The following TEK variants were observed in gnomAD, a reference collection of about 807,000 sequenced individuals.
TEK encodes the protein TEK receptor tyrosine kinase.
TEK carries 43 observed loss-of-function variants against 131.8 expected under a neutral mutation model. The observed-to-expected ratio is 0.33, with a 90% CI of 0.26 to 0.42. The LOEUF (loss-of-function observed/expected upper bound fraction) is 0.42, where lower values mean the gene tolerates loss of function less well. TEK is among the 10% of genes least tolerant of loss of function. The pLI is 1.00. For missense variants in TEK, 1,162 were observed against 1,384.4 expected, an observed-to-expected ratio of 0.84 and a Z score of 2.55; for synonymous variants, 580 against 491.6, an observed-to-expected ratio of 1.18 and a Z score of -2.38.
rs758187604 is a variant in TEK, at chr9:27,158,049, G to C, written c.271G>C (p.Glu91Gln). The change falls in exon 2 of 23, where the codon GAA becomes CAA. Residue 91 changes from glutamate (E) to glutamine (Q), a missense_variant. Transcript: ENST00000380036. ...GGCTAAAAAAGTTGTTTGGAAGAGA[G>C]AAAAGGCTAGTAAGATCAATGGTGC... Reference protein sequence around the residue: ...EWAKKVVWKREKASKINGAYF... With the variant: ...EWAKKVVWKRQKASKINGAYF... 5 of 1,614,020 alleles carry C rather than the reference G, an allele frequency of 3.1e-6. No individual in the cohort carries two copies. In the African/African-American group the frequency reaches 6.7e-5, roughly 22 times the overall value.
chr9:27,203,030 C>A lies in TEK; in HGVS notation c.2120C>A (p.Ala707Glu). The change falls in exon 13 of 23, where the codon GCA (alanine) becomes GAA (glutamate). Residue 707 changes from alanine (A) to glutamate (E), a missense_variant. Ala to Glu is a moderately radical substitution (Grantham distance 107). Coordinates refer to ENST00000380036, the MANE Select transcript of TEK (RefSeq NM_000459.5). Reference sequence around the variant, plus strand: ...CTCAAGGGCCTAGAGCCTGAAACAGCATACCAGGTGGACATTTTTGCAGAG... The same window carrying A: ...CTCAAGGGCCTAGAGCCTGAAACAGAATACCAGGTGGACATTTTTGCAGAG... Reference protein sequence around the residue: ...YQLKGLEPETAYQVDIFAENN... With the variant: ...YQLKGLEPETEYQVDIFAENN... 6.2e-7 allele frequency: 1 copy of A among 1,614,128 alleles called. No homozygotes were observed. Among genetic ancestry groups the A allele is most frequent in the Non-Finnish European group, 8.5e-7 (1 of 1,180,000 alleles).
intron 8 of TEK, 61 bp from the exon 9 acceptor site, chr9:27,185,424 A>G: frequency 1.9e-6 from 3 of 1,603,020 alleles, no homozygotes; most frequent in Non-Finnish European, 2.6e-6. Flanking sequence ...GGTCAATGTT[A>G]TGGACCTTTG....
chr9:27,164,020 C>A (rs557556252), intron 2 of TEK, among the ~76,000 whole-genome samples: 6 of 152,170 alleles, frequency 3.9e-5, no homozygotes, highest in African/African-American at 7.2e-5. Context: ...CCAACCTAGG[C>A]CTCAGCAGTA....
At chr9:27,190,441 A>T (rs975318678) in intron 9 of TEK, 88 bp from the exon 10 acceptor site, 124 of 1,519,180 alleles carry the variant, frequency 8.2e-5, no homozygotes, top group Non-Finnish European at 1.0e-4. Context: ...TTTGTTGGAC[A>T]TGTAAAACAT....
At chr9:27,120,116 G>A (rs563330890) in intron 1 of TEK, among the ~76,000 whole-genome samples, 2 of 152,290 alleles carry the variant, frequency 1.3e-5, no homozygotes, top group East Asian at 1.9e-4. Flanking sequence ...CGAAGAAGAC[G>A]GTGGTGGCAG....
chr9:27,173,415 G>A, intron 6 of TEK, 53 bp downstream of exon 6: 2 of 1,611,670 alleles, frequency 1.2e-6, no homozygotes, highest in Admixed American at 1.7e-5. Flanking sequence ...GTATATAAAG[G>A]AGATCCAGTT....
intron 10 of TEK, among the ~76,000 whole-genome samples, chr9:27,191,323 C>T (rs371138909): frequency 5.3e-5 from 8 of 151,920 alleles, no homozygotes; most frequent in African/African-American, 1.5e-4. Flanking sequence ...TGACAAAATG[C>T]CAAAAGTTCA....
chr9:27,155,230 T>C (rs1308602448), intron 1 of TEK, among the ~76,000 whole-genome samples: 1 of 152,182 alleles, frequency 6.6e-6, no homozygotes, highest in African/African-American at 2.4e-5. Flanking sequence ...TGTGTGCTGG[T>C]GTTATTTTTG....
chr9:27,223,474 C>A (rs574307149), intron 21 of TEK, among the ~76,000 whole-genome samples: 1 of 152,286 alleles, frequency 6.6e-6, no homozygotes, highest in African/African-American at 2.4e-5. Context: ...CACTGAAAAC[C>A]ACACAACTAC....
intron 1 of TEK, among the ~76,000 whole-genome samples, chr9:27,147,105 A>G (rs1327150082): frequency 1.3e-5 from 2 of 152,130 alleles, no homozygotes; most frequent in Non-Finnish European, 2.9e-5. Flanking sequence ...GTGATACGTA[A>G]GTGTATGTTT....
chr9:27,114,618 G>GT (rs1395945884), intron 1 of TEK, among the ~76,000 whole-genome samples: 2 of 152,028 alleles, frequency 1.3e-5, no homozygotes, highest in African/African-American at 4.8e-5. Flanking sequence ...AAAAGTAGTG[G>GT]TAAAAACTGC....
Position 27,180,374 on chromosome 9 carries a change from G to A in TEK, c.1030+6G>A, listed in dbSNP as rs775264500. The A allele has an allele frequency of 5.6e-6, 9 of 1,612,152 alleles. No individual in the cohort carries two copies. Among genetic ancestry groups the A allele is most frequent in the Non-Finnish European group, 6.8e-6 (8 of 1,179,036 alleles). Reference sequence around the variant, plus strand: ...GCTCCAGTGTGAGAGAGAAGGTAAAGCAAGGTAACACTGTAGTCAGGGCCA... The same window carrying A: ...GCTCCAGTGTGAGAGAGAAGGTAAAACAAGGTAACACTGTAGTCAGGGCCA... On this transcript the variant is annotated splice_donor_region_variant and intron_variant, in intron 7 of 22. Coordinates refer to ENST00000380036, the MANE Select transcript of TEK (RefSeq NM_000459.5).
chr9:27,217,873 C>G (rs1165386848), intron 19 of TEK, 115 bp downstream of exon 19: 3 of 902,592 alleles, frequency 3.3e-6, no homozygotes, highest in Non-Finnish European at 5.4e-6. Flanking sequence ...ACAAAGGTAA[C>G]TAAAAAGCTC....
At chr9:27,215,694 T>C (rs1825800318) in intron 18 of TEK, among the ~76,000 whole-genome samples, 1 of 152,142 alleles carries the variant, frequency 6.6e-6, no homozygotes, top group Non-Finnish European at 1.5e-5. Flanking sequence ...GATTTGTTAG[T>C]ACAATGTTTC....
chr9:27,193,562 C>A lies in TEK; in HGVS notation c.1624+939C>A, dbSNP rs560930824. Among the ~76,000 whole-genome samples, 246 of 152,276 alleles carry A rather than the reference C, an allele frequency of 1.6e-3. 1 individual carries two copies. The highest frequency in any genetic ancestry group is 5.6e-3 in the African/African-American group (232 of 41,554). ...CAGCTTTCTGTTACCCAGGTACCCT[C>A]CATTGAAATACTGGAGTGATCTTTT... On this transcript the variant is annotated intron_variant, in intron 11 of 22. Coordinates refer to ENST00000380036, the MANE Select transcript of TEK (RefSeq NM_000459.5).
chr9:27,134,429 G>A (rs939683904), intron 1 of TEK, among the ~76,000 whole-genome samples: 1 of 152,082 alleles, frequency 6.6e-6, no homozygotes, highest in Non-Finnish European at 1.5e-5. Context: ...CCAAGTTTTC[G>A]TTTCAATCAC....
intron 1 of TEK, among the ~76,000 whole-genome samples, chr9:27,154,532 C>G (rs1395273347): frequency 2.6e-5 from 4 of 152,178 alleles, no homozygotes; most frequent in Admixed American, 2.6e-4. Flanking sequence ...CCCCAACTAC[C>G]CAGTTCCCCC....
At chr9:27,110,998 A>T (rs181723403) in intron 1 of TEK, among the ~76,000 whole-genome samples, 1 of 152,244 alleles carries the variant, frequency 6.6e-6, no homozygotes, top group Non-Finnish European at 1.5e-5. Context: ...TAGTGATGTG[A>T]AGCCCAGGTG....
rs1440735042 is a variant in TEK at position 27,124,775 on chromosome 9, T to G, written c.52+15133T>G. 5.9e-5 allele frequency among the ~76,000 whole-genome samples: 9 copies of G among 152,184 alleles called. 1 individual carries two copies. The highest frequency in any genetic ancestry group is 3.9e-4 in the Admixed American group (6 of 15,282). ...AATTCAGGTAGTTCTTATAAACCAT[T>G]TAGAACAATGCTTAAATTTAGAAAA... On this transcript the variant is annotated intron_variant, in intron 1 of 22. Transcript: ENST00000380036.
Sources: allele counts gnomAD v4.1 joint callset (sites outside exome capture counted in the v4.1 genomes callset), GRCh38; gene constraint gnomAD v4.1.1; transcripts MANE v1.5; gene names NCBI Gene and HGNC (gene_info 2026-07-23, HGNC 2026-07-21).